Variants in RHOH observed in about 807,000 individuals in gnomAD.
The protein encoded by RHOH is rho-related GTP-binding protein RhoH.
Under a neutral mutation model 13.8 loss-of-function variants are expected in RHOH, and 6 were observed. The observed-to-expected ratio is 0.44, with a 90% CI of 0.24 to 0.86. The LOEUF (loss-of-function observed/expected upper bound fraction) is 0.86, where lower values mean the gene tolerates loss of function less well. RHOH is among the 40% of genes least tolerant of loss of function. RHOH has a pLI of 0.24. For synonymous variants in RHOH, 117 were observed against 103.0 expected, an observed-to-expected ratio of 1.14 and a Z score of -0.82; for missense variants, 147 against 244.5, an observed-to-expected ratio of 0.60 and a Z score of 2.66.
intron 1 of RHOH, among the ~76,000 whole-genome samples, chr4:40,214,341 G>A (rs1304329257): frequency 6.6e-6 from 1 of 152,200 alleles, no homozygotes; most frequent in Non-Finnish European, 1.5e-5. Context: ...ATTCACTTTG[G>A]GGTTATGAGA....
intron 1 of RHOH, among the ~76,000 whole-genome samples, chr4:40,207,651 G>A (rs1215283143): frequency 6.6e-6 from 1 of 152,222 alleles, no homozygotes; most frequent in African/African-American, 2.4e-5. Context: ...GCAGGGGCTA[G>A]ATGCTTGTGG....
chr4:40,201,160 A>G (rs986958616), intron 1 of RHOH, among the ~76,000 whole-genome samples: 2 of 152,238 alleles, frequency 1.3e-5, no homozygotes, highest in African/African-American at 2.4e-5. Flanking sequence ...ATTTGTATAC[A>G]TGACCTCATG....
At chr4:40,212,660 T>TC (rs1281770514) in intron 1 of RHOH, 2 of 152,246 alleles carry the variant, frequency 1.3e-5, no homozygotes, top group South Asian at 2.1e-4. Flanking sequence ...TCTTTACCTT[T>TC]CAGGGATATT....
chr4:40,233,460 C>T (rs1298677174), intron 1 of RHOH, among the ~76,000 whole-genome samples: 1 of 145,868 alleles, frequency 6.9e-6, no homozygotes, highest in African/African-American at 2.6e-5. Flanking sequence ...AAGTAATTGC[C>T]CCAAGGTCAC....
rs185423650 is a variant in RHOH at position 40,216,350 on chromosome 4, T to C, written c.-331+19050T>C. Among the ~76,000 whole-genome samples, 1,208 of 151,898 alleles carry C rather than the reference T, an allele frequency of 8.0e-3. 5 individuals are homozygous for C. Among genetic ancestry groups the C allele is most frequent in the Non-Finnish European group, 0.012 (815 of 67,970 alleles). On this transcript the variant is annotated intron_variant, in intron 1 of 2. Transcript: ENST00000381799. ...CGGGCGTGGTGGCAGGTGCCTGTAA[T>C]CCCAGCTACTCCAGAGGCTGAGGCA...
chr4:40,195,044 T>C (rs1238500459), upstream of RHOH, among the ~76,000 whole-genome samples: 2 of 152,192 alleles, frequency 1.3e-5, no homozygotes, highest in African/African-American at 4.8e-5. Context: ...GTGGTGATAT[T>C]TCCTGCTTCA....
At chr4:40,228,951 G>A (rs888562509) in intron 1 of RHOH, among the ~76,000 whole-genome samples, 3 of 152,184 alleles carry the variant, frequency 2.0e-5, no homozygotes, top group Admixed American at 6.5e-5. Flanking sequence ...GGAGGGCCGA[G>A]GGAAGTTAGT....
intron 1 of RHOH, among the ~76,000 whole-genome samples, chr4:40,198,163 G>A (rs1475233245): frequency 1.3e-5 from 2 of 152,210 alleles, no homozygotes; most frequent in African/African-American, 4.8e-5. Context: ...GAAGAGTTCT[G>A]TGAATTCCAT....
chr4:40,213,854 T>C (rs1579266494), intron 1 of RHOH, among the ~76,000 whole-genome samples: 1 of 152,082 alleles, frequency 6.6e-6, no homozygotes, highest in Non-Finnish European at 1.5e-5. Flanking sequence ...GCCTCCCAGG[T>C]TTAAGTGATT....
intron 1 of RHOH, chr4:40,200,500 G>C (rs567829203): frequency 6.6e-6 from 1 of 152,166 alleles, no homozygotes; most frequent in African/African-American, 2.4e-5. Flanking sequence ...TTGGAAAGTG[G>C]TCGTTTTGCA....
At chr4:40,204,199 G>A (rs28627443) in intron 1 of RHOH, among the ~76,000 whole-genome samples, 4,633 of 152,230 alleles carry the variant, frequency 0.03, 239 homozygotes, top group African/African-American at 0.1. Context: ...TCAATGTCTC[G>A]TGCTCTTCTT....
intron 1 of RHOH, among the ~76,000 whole-genome samples, chr4:40,230,140 G>T (rs2109505043): frequency 6.6e-6 from 1 of 152,198 alleles, no homozygotes; most frequent in East Asian, 1.9e-4. Context: ...TGCCTCCTAA[G>T]TTCAAGCGAT....
intron 1 of RHOH, among the ~76,000 whole-genome samples, chr4:40,202,802 A>G (rs1409372429): frequency 1.3e-5 from 2 of 152,148 alleles, no homozygotes; most frequent in Admixed American, 1.3e-4. Context: ...CAGGCGAGAG[A>G]AGGTTTCTTA....
chr4:40,219,638 A>G (rs1489822277), intron 1 of RHOH, among the ~76,000 whole-genome samples: 2 of 152,148 alleles, frequency 1.3e-5, no homozygotes, highest in African/African-American at 4.8e-5. Context: ...CAAAAAATGT[A>G]AAAACATTTA....
At chr4:40,193,479 C>CAAGAGAGAGAGAGAGA (rs147612604), upstream of RHOH, among the ~76,000 whole-genome samples, 1 of 88,662 alleles carries the variant, frequency 1.1e-5, no homozygotes, top group African/African-American at 4.7e-5. Flanking sequence ...AGAATGAGAG[C>CAAGAGAGAGAGAGAGA]GAGAGAGAGA....
chr4:40,244,104 G>A lies in RHOH; in HGVS notation c.*142G>A, dbSNP rs1334839005. Reference sequence around the variant, plus strand: ...TCCTTTTGGATACAGTTATTGATGAGGCTTGGCCACTGGATGTTTTCACTA... The same window carrying A: ...TCCTTTTGGATACAGTTATTGATGAAGCTTGGCCACTGGATGTTTTCACTA... On this transcript the variant is annotated 3_prime_UTR_variant, in exon 3 of 3. Coordinates refer to ENST00000381799, the MANE Select transcript of RHOH (RefSeq NM_004310.5). 20 of 664,746 alleles carry A rather than the reference G, an allele frequency of 3.0e-5. No homozygotes were observed. The East Asian group carries it at 4.7e-4, about 16-fold the overall frequency. 41.2% of individuals were successfully genotyped at this position (664,746 alleles called of 1,614,324 possible).
At chr4:40,237,028 A>T (rs1043403865) in intron 1 of RHOH, among the ~76,000 whole-genome samples, 4 of 152,242 alleles carry the variant, frequency 2.6e-5, no homozygotes, top group Non-Finnish European at 5.9e-5. Context: ...TATTTAGAAG[A>T]TATATACAAG....
rs1445617076 is a variant in RHOH, at chr4:40,218,416, G to A, written c.-331+21116G>A. The A allele has an allele frequency of 6.6e-6, 1 of 152,170 alleles. No individual in the cohort carries two copies. Among genetic ancestry groups the A allele is most frequent in the Non-Finnish European group, 1.5e-5 (1 of 68,040 alleles). The allele number at this position is 152,170 out of a possible 1,614,324, so 9.4% of individuals were successfully genotyped here. A position where few individuals can be genotyped will look rare whatever the true frequency, so the allele number is the denominator to read the frequency against. On this transcript the variant is annotated intron_variant, in intron 1 of 2. Coordinates refer to ENST00000381799, the MANE Select transcript of RHOH (RefSeq NM_004310.5). The surrounding 1 kb of genome is among the most constrained non-coding windows in gnomAD (Gnocchi z 4.1). The stretch of plus-strand genomic sequence containing the variant: ...CTACCTTGTGTAAATCTAAGACAGG[G>A]GCTACTGAACACAGTCTTGGAAATC...
chr4:40,236,327 C>A (rs1225133747), intron 1 of RHOH, among the ~76,000 whole-genome samples: 1 of 152,142 alleles, frequency 6.6e-6, no homozygotes, highest in Non-Finnish European at 1.5e-5. Flanking sequence ...AAGTAAATGT[C>A]TTTTTTAAAG....
Sources: gnomAD v4.1 joint callset for allele counts (sites outside exome capture counted in the v4.1 genomes callset) on GRCh38, gnomAD v4.1.1 for gene constraint, Gnocchi (gnomAD v3.1) non-coding constraint, MANE v1.5 for transcripts, NCBI Gene and HGNC (gene_info 2026-07-23, HGNC 2026-07-21) for gene names.